ARNT: variants seen among roughly 807,000 people sequenced by gnomAD.
ARNT encodes class E basic helix-loop-helix protein 2.
A neutral mutation model predicts 105.0 loss-of-function variants in ARNT; 30 were observed. The ratio of observed to expected loss-of-function variants is 0.29; its 90% confidence interval spans 0.21 to 0.39. ARNT has a LOEUF of 0.39. ARNT is among the 10% of genes least tolerant of loss of function. The pLI is 1.00. For missense variants in ARNT, 748 were observed against 978.7 expected (o/e 0.76, Z 3.15); for synonymous variants, 304 against 344.0 (o/e 0.88, Z 1.29).
At chr1:150,872,304 C>T (rs990376028) in intron 1 of ARNT, among the ~76,000 whole-genome samples, 2 of 152,096 alleles carry the variant, frequency 1.3e-5, no homozygotes, top group Non-Finnish European at 2.9e-5. Context: ...TTCCTATTTT[C>T]CCATATCTGA....
At chr1:150,865,883 A>G (rs1242579766) in intron 1 of ARNT, among the ~76,000 whole-genome samples, 1 of 152,172 alleles carries the variant, frequency 6.6e-6, no homozygotes, top group Admixed American at 6.5e-5. Flanking sequence ...TGGATGTATG[A>G]AAATATTTCT....
At chr1:150,860,627 G>C (rs375818944) in intron 1 of ARNT, among the ~76,000 whole-genome samples, 1 of 151,818 alleles carries the variant, frequency 6.6e-6, no homozygotes, top group Non-Finnish European at 1.5e-5. Flanking sequence ...AGGCCAAGGC[G>C]GGCATATCAC....
At chr1:150,844,512 T>G (rs977284548) in intron 4 of ARNT, among the ~76,000 whole-genome samples, 7 of 152,224 alleles carry the variant, frequency 4.6e-5, no homozygotes, top group Non-Finnish European at 1.0e-4. Flanking sequence ...CAACGGTTCT[T>G]AAAGTATGTT....
At chr1:150,871,814 G>A (rs1004307485) in intron 1 of ARNT, among the ~76,000 whole-genome samples, 5 of 149,138 alleles carry the variant, frequency 3.4e-5, no homozygotes, top group African/African-American at 7.4e-5. Flanking sequence ...AGGCTGAGGC[G>A]GGAGAATAGC....
chr1:150,858,355 C>A lies in ARNT; in HGVS notation c.131G>T (p.Arg44Leu). 1.2e-6 allele frequency: 2 copies of A among 1,604,438 alleles called. No individual in the cohort carries two copies. Among genetic ancestry groups the A allele is most frequent in the Middle Eastern group, 3.3e-4 (2 of 6,046 alleles). The change falls in exon 2 of 22, where the codon CGA (arginine) becomes CTA (leucine). Residue 44 changes from arginine to leucine, a missense_variant. Arg to Leu is a moderately radical substitution (Grantham distance 102, BLOSUM62 -2). Coordinates refer to ENST00000358595, the MANE Select transcript of ARNT (RefSeq NM_001668.4). ...GAIVQRAIKRRPGLDFDDDGE... is the reference protein window; with the variant it reads ...GAIVQRAIKRLPGLDFDDDGE... ...ACACTACACTCAAACTCACCCTGGT[C>A]GCCGCTTAATAGCCCTCTGGACAAT...
At chr1:150,812,657 T>C (rs1226774333) in intron 21 of ARNT, 2 of 152,842 alleles carry the variant, frequency 1.3e-5, no homozygotes, top group African/African-American at 4.8e-5. Context: ...ATCTTCTCTA[T>C]ATTCATTCCA....
chr1:150,823,135 G>A, intron 14 of ARNT, 59 bp downstream of exon 14: 2 of 1,409,476 alleles, frequency 1.4e-6, no homozygotes, highest in Non-Finnish European at 1.9e-6. Context: ...CATCAGAAGT[G>A]TTTTCTGTTG....
chr1:150,829,037 A>G, intron 12 of ARNT, 56 bp downstream of exon 12: 3 of 1,595,394 alleles, frequency 1.9e-6, no homozygotes, highest in African/African-American at 1.3e-5. Context: ...ACATGATTAC[A>G]TAATGTCAAC....
rs34093716 is a variant in ARNT, at chr1:150,819,226, TAA to T, written c.1395-1198_1395-1197del. On this transcript the variant is annotated intron_variant, in intron 14 of 21. Transcript: ENST00000358595. Reference sequence around the variant, plus strand: ...ATTGATACCTACTAGATGGCTACAATAAAAAAAAAAAGGCAATAACAAGTGTT... The same window carrying T: ...ATTGATACCTACTAGATGGCTACAATAAAAAAAAAGGCAATAACAAGTGTT... 1.2e-3 allele frequency among the ~76,000 whole-genome samples: 174 copies of T among 143,348 alleles called. 1 individual carries two copies. The highest frequency in any genetic ancestry group is 4.2e-3 in the African/African-American group (164 of 39,380). The allele number at this position is 143,348 out of a possible 152,430, so 94.0% of individuals were successfully genotyped here. A position where few individuals can be genotyped will look rare whatever the true frequency, so the allele number is the denominator to read the frequency against.
At chr1:150,848,085 T>G (rs1308194527) in intron 3 of ARNT, among the ~76,000 whole-genome samples, 1 of 152,202 alleles carries the variant, frequency 6.6e-6, no homozygotes, top group African/African-American at 2.4e-5. Flanking sequence ...GTGTGTATGC[T>G]CACACATACA....
At chr1:150,818,180 C>A in intron 14 of ARNT, 150 bp from the exon 15 acceptor site, 2 of 569,920 alleles carry the variant, frequency 3.5e-6, no homozygotes, top group South Asian at 5.8e-5. Context: ...AAGTCCTATC[C>A]TATAGTTAAT....
chr1:150,830,206 C>T (rs757444128), intron 10 of ARNT: 23 of 440,322 alleles, frequency 5.2e-5, no homozygotes, highest in Non-Finnish European at 7.5e-5. Flanking sequence ...ATTAGCCAGG[C>T]ATGGTGGCAT....
At chr1:150,817,793 A>G in intron 15 of ARNT, 127 bp downstream of exon 15, 1 of 733,844 alleles carries the variant, frequency 1.4e-6, no homozygotes, top group South Asian at 2.0e-5. Context: ...AGCCTGAGCA[A>G]TGAGAGCAAA....
At chr1:150,845,136 G>T (rs1415318352) in intron 4 of ARNT, among the ~76,000 whole-genome samples, 1 of 152,014 alleles carries the variant, frequency 6.6e-6, no homozygotes, top group African/African-American at 2.4e-5. Flanking sequence ...AAAAAAACAG[G>T]ACCAACCAGG....
chr1:150,847,553 C>A (rs1216820310), intron 3 of ARNT, among the ~76,000 whole-genome samples: 2 of 151,784 alleles, frequency 1.3e-5, no homozygotes, highest in East Asian at 3.8e-4. Context: ...GACAAACGAA[C>A]CTCTCTTTGG....
intron 1 of ARNT, among the ~76,000 whole-genome samples, chr1:150,863,045 C>T (rs1297912654): frequency 3.1e-4 from 40 of 129,220 alleles, no homozygotes; most frequent in East Asian, 2.3e-3. Context: ...AGCAAGATTC[C>T]GTCTCAAAAA....
At chr1:150,836,176 T>A in intron 7 of ARNT, 104 bp downstream of exon 7, 1 of 1,098,166 alleles carries the variant, frequency 9.1e-7, no homozygotes, top group Non-Finnish European at 1.3e-6. Context: ...TCTTGAAGCC[T>A]TGCCAGAGTC....
rs762355489 is a variant in ARNT at position 150,818,061 on chromosome 1, G to A, written c.1395-31C>T. The stretch of plus-strand genomic sequence containing the variant: ...AAACCAGAGTAGACAGTAAAGAGGG[G>A]GTGGAGAGGGAGGAAGGGGGGAGAG... On this transcript the variant is annotated intron_variant, in intron 14 of 21. Transcript: ENST00000358595. 4 of 1,497,098 alleles carry A rather than the reference G, an allele frequency of 2.7e-6. No individual in the cohort carries two copies. The Admixed American group carries it at 7.1e-5, about 27-fold the overall frequency. 92.7% of individuals were successfully genotyped at this position (1,497,098 alleles called of 1,614,324 possible).
chr1:150,869,260 A>G (rs112738761), intron 1 of ARNT, among the ~76,000 whole-genome samples: 63,607 of 152,000 alleles, frequency 0.42, 13,753 homozygotes, highest in South Asian at 0.54. Flanking sequence ...GGCGGATCAC[A>G]AGGTCAGGAG....
Sources: allele counts gnomAD v4.1 joint callset (sites outside exome capture counted in the v4.1 genomes callset), GRCh38; gene constraint gnomAD v4.1.1; transcripts MANE v1.5; gene names NCBI Gene and HGNC (gene_info 2026-07-23, HGNC 2026-07-21).